Variants in LIMS2 observed in about 807,000 individuals in gnomAD.
The protein encoded by LIMS2 is LIM zinc finger domain containing 2.
A neutral mutation model predicts 45.3 loss-of-function variants in LIMS2; 30 were observed. That is an observed-to-expected ratio of 0.66 (90% CI 0.50 to 0.90). LIMS2 has a LOEUF of 0.90. Ranked by LOEUF, LIMS2 falls within the 40% of genes least tolerant of loss-of-function variation. The probability of loss-of-function intolerance (pLI) is 0.00; values close to 1 mark genes in which losing one functional copy is unlikely to be tolerated. For missense variants in LIMS2, 485 were observed against 468.7 expected (o/e 1.03, Z -0.32); for synonymous variants, 173 against 188.0 (o/e 0.92, Z 0.65).
chr2:127,647,704 C>T lies in LIMS2; in HGVS notation c.360-4632G>A, dbSNP rs185792921. On this transcript the variant is annotated intron_variant, in intron 4 of 9. Coordinates refer to ENST00000355119, the MANE Select transcript of LIMS2 (RefSeq NM_001161403.3). The surrounding 1 kb of genome is among the most constrained non-coding windows in gnomAD (Gnocchi z 4.3). ...CTCCCCGCACACACCTTCCTCCTCT[C>T]CTGCCAACCTGAAAACAGCACACCT... Among the ~76,000 whole-genome samples the T allele has an allele frequency of 5.7e-4, 86 of 152,212 alleles. No homozygotes were observed. Among genetic ancestry groups the T allele is most frequent in the Admixed American group, 5.3e-3 (81 of 15,308 alleles).
upstream of LIMS2, among the ~76,000 whole-genome samples, chr2:127,679,602 T>C (rs1685572655): frequency 6.6e-6 from 1 of 151,384 alleles, no homozygotes; most frequent in South Asian, 2.1e-4. This position sits in a 1 kb window ranked among gnomAD's most constrained non-coding sequence, Gnocchi z 5.3. Flanking sequence ...TACCCGAGTT[T>C]CTCCACCCCC....
At chr2:127,654,590 C>T (rs1193992908) in intron 3 of LIMS2, 46 bp from the exon 4 acceptor site, 1 of 1,613,018 alleles carries the variant, frequency 6.2e-7, no homozygotes, top group South Asian at 1.1e-5. Context: ...CGTGCCTGTC[C>T]CCTCTTCGGA....
chr2:127,674,962 G>A lies in LIMS2; in HGVS notation c.11+52C>T, dbSNP rs2105349872. ...CGAGGGCGAGCTGCGCCTCGGCCAG[G>A]GGTCCCGCAGTCCCGCCTCCCCGGC... On this transcript the variant is annotated intron_variant, in intron 1 of 9. Transcript: ENST00000355119. The A allele has an allele frequency of 4.1e-6, 5 of 1,227,348 alleles. No individual in the cohort carries two copies. The East Asian group carries it at 1.6e-4, about 39-fold the overall frequency. 76.0% of individuals were successfully genotyped at this position (1,227,348 alleles called of 1,614,324 possible).
upstream of LIMS2, among the ~76,000 whole-genome samples, chr2:127,678,527 A>G (rs940541819): frequency 6.6e-6 from 1 of 152,176 alleles, no homozygotes; most frequent in African/African-American, 2.4e-5. The surrounding 1 kb of genome is among the most constrained non-coding windows in gnomAD (Gnocchi z 5.3). Flanking sequence ...AGCGTCCAGG[A>G]GGGACTGGTG....
Position 127,642,428 on chromosome 2 carries a change from C to T in LIMS2, c.510-229G>A. ...CCAGAAGAGTGGGCTGTGTTCTGCA[C>T]CCAGGCCTCTGAGAAGCAGGTCTGT... On this transcript the variant is annotated intron_variant, in intron 5 of 9. Coordinates refer to ENST00000355119, the MANE Select transcript of LIMS2 (RefSeq NM_001161403.3). This position sits in a 1 kb window ranked among gnomAD's most constrained non-coding sequence, Gnocchi z 5.3. 1 of 465,490 alleles carries T rather than the reference C, an allele frequency of 2.1e-6. No homozygotes were observed. The highest frequency in any genetic ancestry group is 3.4e-5 in the East Asian group (1 of 29,650). The allele number at this position is 465,490 out of a possible 1,614,324, so 28.8% of individuals were successfully genotyped here.
At chr2:127,656,921 A>G (rs932229542) in intron 2 of LIMS2, among the ~76,000 whole-genome samples, 1 of 151,354 alleles carries the variant, frequency 6.6e-6, no homozygotes, top group Non-Finnish European at 1.5e-5. Context: ...CTCTCCATAC[A>G]CCCCATGTTC....
intron 4 of LIMS2, chr2:127,650,292 A>G: frequency 3.5e-6 from 2 of 579,474 alleles, no homozygotes; most frequent in South Asian, 2.1e-5. Flanking sequence ...GAGGAGCTGG[A>G]ATCCCGGAGA....
rs1267351412 is a variant in LIMS2, at chr2:127,675,099, G to GCGCC, written c.-79_-76dup. 5.7e-5 allele frequency: 69 copies of GCGCC among 1,213,518 alleles called. No homozygotes were observed. The East Asian group carries it at 2.0e-3, about 36-fold the overall frequency. The allele number at this position is 1,213,518 out of a possible 1,614,324, so 75.2% of individuals were successfully genotyped here. ...CTCTGCTGCTGCAGCCGCCAGCCGA[G>GCGCC]CGCCCGCCCGCCAGCCCGGGCCGCG... On this transcript the variant is annotated 5_prime_UTR_variant, in exon 1 of 10. Transcript: ENST00000355119.
chr2:127,672,210 AGGT>A lies in LIMS2; in HGVS notation c.11+2801_11+2803del, dbSNP rs989978733. Among the ~76,000 whole-genome samples, 14 of 152,216 alleles carry A rather than the reference AGGT, an allele frequency of 9.2e-5. No individual in the cohort carries two copies. Among genetic ancestry groups the A allele is most frequent in the African/African-American group, 2.9e-4 (12 of 41,452 alleles). On this transcript the variant is annotated intron_variant, in intron 1 of 9. Transcript: ENST00000355119. The surrounding 1 kb of genome is among the most constrained non-coding windows in gnomAD (Gnocchi z 4.9). ...GCCAGGGACAGCTGGGTCCCTAGGT[AGGT>A]GGCCTTAATATCCTCCCTGTAGAAC...
At chr2:127,655,129 C>T in intron 2 of LIMS2, 1 of 603,536 alleles carries the variant, frequency 1.7e-6, no homozygotes, top group Non-Finnish European at 3.0e-6. Flanking sequence ...GTCCGTGAGG[C>T]CACCTGTCAA....
intron 4 of LIMS2, chr2:127,644,096 T>C (rs1384393856): frequency 8.8e-6 from 4 of 456,406 alleles, no homozygotes; most frequent in Non-Finnish European, 1.8e-5. Context: ...CTGGACTCCA[T>C]CCTGCACAGC....
At chr2:127,665,578 C>T (rs1684956538) in intron 1 of LIMS2, among the ~76,000 whole-genome samples, 1 of 152,140 alleles carries the variant, frequency 6.6e-6, no homozygotes, top group South Asian at 2.1e-4. Context: ...AAAGGTGGCC[C>T]CAGGGGCTAA....
In LIMS2 at chr2:127,664,695, T is replaced by A; in HGVS notation, c.12-7133A>T. On this transcript the variant is annotated intron_variant, in intron 1 of 9. Coordinates refer to ENST00000355119, the MANE Select transcript of LIMS2 (RefSeq NM_001161403.3). The surrounding 1 kb of genome is among the most constrained non-coding windows in gnomAD (Gnocchi z 5.5). ...GGGAAGGCCCCAGACAGCACTGAGG[T>A]GAGGTCCACAGTGGCGGCAGGACAC... 3 of 847,872 alleles carry A rather than the reference T, an allele frequency of 3.5e-6. No homozygotes were observed. The highest frequency in any genetic ancestry group is 4.4e-6 in the Non-Finnish European group (3 of 687,224). The allele number at this position is 847,872 out of a possible 1,614,324, so 52.5% of individuals were successfully genotyped here.
At chr2:127,668,949 A>G (rs1429340293) in intron 1 of LIMS2, among the ~76,000 whole-genome samples, 1 of 152,038 alleles carries the variant, frequency 6.6e-6, no homozygotes, top group African/African-American at 2.4e-5. Context: ...GAAAGTAGCC[A>G]GGTGTGGTGG....
chr2:127,640,982 C>A lies in LIMS2; in HGVS notation c.667G>T (p.Val223Phe). The A allele has an allele frequency of 6.2e-7, 1 of 1,613,746 alleles. No individual in the cohort carries two copies. The highest frequency in any genetic ancestry group is 8.5e-7 in the Non-Finnish European group (1 of 1,179,870). The change falls in exon 7 of 10, where the codon GTC becomes TTC. Residue 223 changes from valine to phenylalanine, a missense_variant. Transcript: ENST00000355119. ...AATGGCTTCTCACACTTGGCACAGA[C>A]AAAGTGCTGCAAGGACAAAGGGCGG... The part of the protein sequence containing the change: ...LGKQWHVEHF[V>F]CAKCEKPFLG...
In LIMS2 at chr2:127,664,628, G is replaced by A. The variant is rs1684905811; in HGVS notation, c.12-7066C>T. ...GCCGCGGGGGCAGCTCCTGAAAGCT[G>A]AGGCTGGCGGGGGTTGGGTCCCGCT... On this transcript the variant is annotated intron_variant, in intron 1 of 9. Transcript: ENST00000355119. This position sits in a 1 kb window ranked among gnomAD's most constrained non-coding sequence, Gnocchi z 5.5. The A allele has an allele frequency of 1.8e-6, 2 of 1,103,250 alleles. No homozygotes were observed. Among genetic ancestry groups the A allele is most frequent in the Non-Finnish European group, 1.1e-6 (1 of 906,864 alleles). The allele number at this position is 1,103,250 out of a possible 1,614,324, so 68.3% of individuals were successfully genotyped here.
chr2:127,655,767 A>G (rs1410363411), intron 2 of LIMS2: 1 of 152,376 alleles, frequency 6.6e-6, no homozygotes, highest in African/African-American at 2.4e-5. Flanking sequence ...TGTGAGGAAC[A>G]GCGGCTCTTG....
chr2:127,654,651 A>G, intron 3 of LIMS2, 107 bp from the exon 4 acceptor site: 3 of 1,559,714 alleles, frequency 1.9e-6, no homozygotes, highest in African/African-American at 1.3e-5. Context: ...TGCCTGGCCC[A>G]TGGGCTCCCT....
intron 7 of LIMS2, 29 bp downstream of exon 7, chr2:127,640,867 C>G: frequency 6.2e-7 from 1 of 1,602,158 alleles, no homozygotes; most frequent in Non-Finnish European, 8.5e-7. Context: ...TCCAGACCCG[C>G]ATCCCTGAAG....
Sources: gnomAD v4.1 joint callset for allele counts (sites outside exome capture counted in the v4.1 genomes callset) on GRCh38, gnomAD v4.1.1 for gene constraint, Gnocchi (gnomAD v3.1) non-coding constraint, MANE v1.5 for transcripts, NCBI Gene and HGNC (gene_info 2026-07-23, HGNC 2026-07-21) for gene names.